Variants in WWOX observed in about 807,000 individuals in gnomAD.
WWOX encodes the protein WW domain containing oxidoreductase, also known as WW domain-containing oxidoreductase.
A neutral mutation model predicts 46.2 loss-of-function variants in WWOX; 69 were observed. The ratio of observed to expected loss-of-function variants is 1.49; its 90% CI spans 1.23 to 1.82. WWOX has a LOEUF of 1.82. WWOX is among the 40% of genes most tolerant of loss of function. WWOX has a pLI of 0.00. For synonymous variants in WWOX, 359 were observed against 202.6 expected (o/e 1.77, Z -6.56); for missense variants, 919 against 542.6 (o/e 1.69, Z -6.89).
chr16:78,248,590 G>A (rs1310827446), intron 5 of WWOX, among the ~76,000 whole-genome samples: 1 of 152,064 alleles, frequency 6.6e-6, no homozygotes, highest in Non-Finnish European at 1.5e-5. Context: ...CAAAAATGTA[G>A]CCAGGCGTGG....
chr16:78,612,110 G>A (rs552516112), intron 8 of WWOX, among the ~76,000 whole-genome samples: 333 of 152,294 alleles, frequency 2.2e-3, no homozygotes, highest in African/African-American at 7.8e-3. Context: ...TGGAAATGAG[G>A]AAACTTGTAT....
chr16:79,142,079 C>T (rs1046441317), intron 8 of WWOX, among the ~76,000 whole-genome samples: 3 of 152,166 alleles, frequency 2.0e-5, no homozygotes, highest in African/African-American at 7.2e-5. Context: ...CCTTCTTCTC[C>T]ATCTCCTGCC....
chr16:78,454,932 C>G (rs574036886), intron 8 of WWOX, among the ~76,000 whole-genome samples: 2 of 152,256 alleles, frequency 1.3e-5, no homozygotes, highest in Admixed American at 6.5e-5. Context: ...TGCCCCAATA[C>G]TGTTTGATGT....
intron 8 of WWOX, among the ~76,000 whole-genome samples, chr16:79,089,336 T>C (rs1220794272): frequency 6.8e-6 from 1 of 147,650 alleles, no homozygotes; most frequent in Non-Finnish European, 1.5e-5. Context: ...TGGGGACCTT[T>C]TTTTTTTTTT....
chr16:78,406,328 ATATATATATATATATATATATATATATT>A (rs1340259328), intron 6 of WWOX, among the ~76,000 whole-genome samples: 1 of 85,518 alleles, frequency 1.2e-5, no homozygotes, highest in South Asian at 3.2e-4. Context: ...ATATATATAT[ATATATATATATATATATATATATATATT>A]TTATTATTTT....
intron 8 of WWOX, among the ~76,000 whole-genome samples, chr16:78,633,082 G>A (rs1021669638): frequency 1.3e-5 from 2 of 151,996 alleles, no homozygotes; most frequent in Admixed American, 6.6e-5. Context: ...GGCCAACATG[G>A]TGAAACCCTG....
At chr16:79,082,068 C>A (rs1040389311) in intron 8 of WWOX, among the ~76,000 whole-genome samples, 1 of 152,158 alleles carries the variant, frequency 6.6e-6, no homozygotes, top group Non-Finnish European at 1.5e-5. Flanking sequence ...GAAGCCATTC[C>A]TTGCCAAGCG....
chr16:78,147,467 G>A (rs956417699), intron 4 of WWOX, among the ~76,000 whole-genome samples: 6 of 152,056 alleles, frequency 3.9e-5, no homozygotes, highest in Non-Finnish European at 7.3e-5. Flanking sequence ...AAAGTTACTA[G>A]CGATGGAGAA....
chr16:79,053,356 C>G (rs773567069), intron 8 of WWOX, among the ~76,000 whole-genome samples: 4 of 152,126 alleles, frequency 2.6e-5, no homozygotes, highest in Admixed American at 6.5e-5. Flanking sequence ...GCAACGTGGC[C>G]CTGCTTCTTA....
chr16:78,367,240 A>C (rs1357894591), intron 5 of WWOX, among the ~76,000 whole-genome samples: 1 of 152,080 alleles, frequency 6.6e-6, no homozygotes, highest in Non-Finnish European at 1.5e-5. Context: ...CGCCCTCCCA[A>C]AGTGCTGGGA....
chr16:78,104,501 C>G (rs1394213382), intron 1 of WWOX, among the ~76,000 whole-genome samples: 2 of 151,934 alleles, frequency 1.3e-5, no homozygotes, highest in Admixed American at 6.6e-5. Context: ...GAGACCTTGT[C>G]TAAAAAAAAA....
At chr16:78,582,636 C>G (rs1447220743) in intron 8 of WWOX, among the ~76,000 whole-genome samples, 3 of 152,156 alleles carry the variant, frequency 2.0e-5, no homozygotes, top group Non-Finnish European at 4.4e-5. Flanking sequence ...TTGGTCCAAC[C>G]TTAGCCCGAT....
At chr16:78,592,330 T>G (rs1271007804) in intron 8 of WWOX, among the ~76,000 whole-genome samples, 1 of 152,194 alleles carries the variant, frequency 6.6e-6, no homozygotes, top group Non-Finnish European at 1.5e-5. Flanking sequence ...GCTAGCATGA[T>G]AACAAATAAA....
intron 8 of WWOX, among the ~76,000 whole-genome samples, chr16:78,587,179 C>G (rs962967015): frequency 2.7e-5 from 4 of 145,742 alleles, no homozygotes; most frequent in Non-Finnish European, 5.9e-5. Flanking sequence ...GCAGATGCCA[C>G]CATGCCTGGC....
chr16:78,205,993 C>T (rs2036382678), intron 5 of WWOX, among the ~76,000 whole-genome samples: 1 of 151,892 alleles, frequency 6.6e-6, no homozygotes, highest in Non-Finnish European at 1.5e-5. Flanking sequence ...TCCCTTCCTC[C>T]CTTCCTGTCT....
chr16:78,901,203 G>A (rs977058031), intron 8 of WWOX, among the ~76,000 whole-genome samples: 2 of 152,186 alleles, frequency 1.3e-5, no homozygotes, highest in African/African-American at 4.8e-5. Context: ...TGCTGAAGGA[G>A]ATAAAGGAAT....
chr16:78,767,799 C>T (rs1434015135), intron 8 of WWOX, among the ~76,000 whole-genome samples: 1 of 152,124 alleles, frequency 6.6e-6, no homozygotes, highest in Non-Finnish European at 1.5e-5. Flanking sequence ...ATTCCCATTT[C>T]CCTAATGATG....
chr16:78,574,937 TGTATATA>T lies in WWOX; in HGVS notation c.1056+142189_1056+142195del, dbSNP rs2044812262. ...TTCGATTGTGATAATCATTACACAATGTATATAGTAATCAAATCATTACTTTATAGAC... is the reference window on the plus strand; with the variant it reads ...TTCGATTGTGATAATCATTACACAATGTAATCAAATCATTACTTTATAGAC... On this transcript the variant is annotated intron_variant, in intron 8 of 8. Transcript: ENST00000566780. Among the ~76,000 whole-genome samples the T allele has an allele frequency of 3.6e-5, 5 of 139,164 alleles. No homozygotes were observed. In the South Asian group the frequency reaches 1.2e-3, roughly 33 times the overall value. 91.3% of individuals were successfully genotyped at this position (139,164 alleles called of 152,430 possible). A position where few individuals can be genotyped will look rare whatever the true frequency, so the allele number is the denominator to read the frequency against.
rs956160759 is a variant in WWOX at position 78,326,796 on chromosome 16, CT to C, written c.517-60061del. Among the ~76,000 whole-genome samples the C allele has an allele frequency of 8.3e-4, 123 of 148,870 alleles. 1 individual carries two copies. Among genetic ancestry groups the C allele is most frequent in the African/African-American group, 2.9e-3 (118 of 41,030 alleles). ...CAATACACTTAAAATGCAGATATAA[CT>C]TTAATTGTCAAAACATGCTTATTTT... On this transcript the variant is annotated intron_variant, in intron 5 of 8. Coordinates refer to ENST00000566780, the MANE Select transcript of WWOX (RefSeq NM_016373.4).
Sources: allele counts gnomAD v4.1 joint callset (sites outside exome capture counted in the v4.1 genomes callset), GRCh38; gene constraint gnomAD v4.1.1; transcripts MANE v1.5; gene names NCBI Gene and HGNC (gene_info 2026-07-23, HGNC 2026-07-21).